PRKCA: variants seen among roughly 807,000 people sequenced by gnomAD.
PRKCA encodes the protein protein kinase C alpha type.
Under a neutral mutation model 87.0 loss-of-function variants are expected in PRKCA, and 27 were observed. That is an observed-to-expected ratio of 0.31 (90% CI 0.23 to 0.43). The LOEUF (loss-of-function observed/expected upper bound fraction) is 0.43. PRKCA is among the 20% of genes least tolerant of loss of function. The pLI, the probability that PRKCA is intolerant of heterozygous loss-of-function variation, is 1.00. For synonymous variants in PRKCA, 329 were observed against 311.1 expected (o/e 1.06, Z -0.61); for missense variants, 518 against 852.3 (o/e 0.61, Z 4.88).
chr17:66,709,472 G>A (rs1050061325), intron 8 of PRKCA, among the ~76,000 whole-genome samples: 15 of 151,666 alleles, frequency 9.9e-5, no homozygotes, highest in Non-Finnish European at 1.2e-4. Flanking sequence ...CACCACACCT[G>A]GCTAATTTTG....
chr17:66,725,187 A>G (rs1309568927), intron 8 of PRKCA, among the ~76,000 whole-genome samples: 7 of 152,184 alleles, frequency 4.6e-5, no homozygotes, highest in Admixed American at 4.6e-4. Flanking sequence ...ATGAACAGTG[A>G]TTGCTTGAGA....
At chr17:66,376,194 C>T (rs1160319230) in intron 2 of PRKCA, among the ~76,000 whole-genome samples, 2 of 152,122 alleles carry the variant, frequency 1.3e-5, no homozygotes, top group Non-Finnish European at 2.9e-5. Flanking sequence ...TTTAACCACC[C>T]TCCCCTGACT....
intron 16 of PRKCA, among the ~76,000 whole-genome samples, chr17:66,802,091 C>T (rs572891096): frequency 2.6e-5 from 4 of 152,098 alleles, no homozygotes; most frequent in Admixed American, 6.5e-5. Context: ...TGTGGTGGTG[C>T]GCACCCGCAG....
chr17:66,748,187 C>T (rs555937236), intron 13 of PRKCA, among the ~76,000 whole-genome samples: 101 of 152,336 alleles, frequency 6.6e-4, no homozygotes, highest in Non-Finnish European at 1.2e-3. Flanking sequence ...TTCATGGGTC[C>T]AGAGAGCTGA....
chr17:66,663,177 G>A (rs1050058664), intron 5 of PRKCA, among the ~76,000 whole-genome samples: 1 of 152,222 alleles, frequency 6.6e-6, no homozygotes, highest in Admixed American at 6.5e-5. Flanking sequence ...AACAAGAACA[G>A]CTTCCTGCTC....
intron 3 of PRKCA, among the ~76,000 whole-genome samples, chr17:66,616,286 G>A (rs540885456): frequency 1.1e-4 from 17 of 152,164 alleles, no homozygotes; most frequent in East Asian, 3.9e-4. Flanking sequence ...CCCCACTCTC[G>A]CCTTATAATA....
At chr17:66,799,574 GTGGTGGTGA>G (rs1975833728) in intron 16 of PRKCA, among the ~76,000 whole-genome samples, 1 of 12,210 alleles carries the variant, frequency 8.2e-5, no homozygotes, top group Non-Finnish European at 1.6e-4. Context: ...GGTGATGGTG[GTGGTGGTGA>G]TGGTGGTGGT....
At chr17:66,793,590 CAAAAAAAA>C (rs1168440797) in intron 16 of PRKCA, among the ~76,000 whole-genome samples, 1 of 51,572 alleles carries the variant, frequency 1.9e-5, no homozygotes, top group East Asian at 5.4e-4. Context: ...AACTCCGTCT[CAAAAAAAA>C]AAAAAAAAAA....
rs74207924 is a variant in PRKCA at position 66,738,874 on chromosome 17, G to T, written c.1322+19G>T. 6.3e-7 allele frequency: 1 copy of T among 1,594,396 alleles called. No individual in the cohort carries two copies. The highest frequency in any genetic ancestry group is 1.1e-5 in the South Asian group (1 of 90,508). Reference sequence around the variant, plus strand: ...AAGCAGTGTGAGTATTATTTTTTAAGTCCTTTAATTTGAACAACCAAGTCC... The same window carrying T: ...AAGCAGTGTGAGTATTATTTTTTAATTCCTTTAATTTGAACAACCAAGTCC... On this transcript the variant is annotated intron_variant, in intron 11 of 16. Transcript: ENST00000413366.
In PRKCA at chr17:66,452,877, CA is replaced by C. The variant is rs201273156; in HGVS notation, c.206-43317del. 8.6e-3 allele frequency among the ~76,000 whole-genome samples: 1,305 copies of C among 152,232 alleles called. 8 individuals are homozygous for C. Among genetic ancestry groups the C allele is most frequent in the African/African-American group, 0.022 (914 of 41,548 alleles). On this transcript the variant is annotated intron_variant, in intron 2 of 16. Coordinates refer to ENST00000413366, the MANE Select transcript of PRKCA (RefSeq NM_002737.3). ...AGACTCCGTCTCAAAAACAAACAAA[CA>C]AAAAAACAAACAAAACACATAACTA...
At chr17:66,402,413 A>AT (rs1911088274) in intron 2 of PRKCA, among the ~76,000 whole-genome samples, 4 of 111,856 alleles carry the variant, frequency 3.6e-5, no homozygotes, top group African/African-American at 6.4e-5. Context: ...GAGGCCAAGA[A>AT]ATTTTTTTTT....
At chr17:66,739,999 C>G (rs531525241) in intron 11 of PRKCA, among the ~76,000 whole-genome samples, 1 of 152,128 alleles carries the variant, frequency 6.6e-6, no homozygotes, top group African/African-American at 2.4e-5. Context: ...AGGGCTAGAC[C>G]TTGGAGCCAA....
Position 66,562,163 on chromosome 17 carries a change from T to A in PRKCA, c.288+65880T>A, listed in dbSNP as rs551315373. ...TATATATATAATTAAATTATATATA[T>A]AATTAAATATATATAATTAAGTTAT... is the stretch of plus-strand genomic sequence containing the variant. On this transcript the variant is annotated intron_variant, in intron 3 of 16. Coordinates refer to ENST00000413366, the MANE Select transcript of PRKCA (RefSeq NM_002737.3). 1.1e-3 allele frequency among the ~76,000 whole-genome samples: 100 copies of A among 88,234 alleles called. 8 individuals carry two copies. The highest frequency in any genetic ancestry group is 3.7e-3 in the African/African-American group (78 of 21,320). The allele number at this position is 88,234 out of a possible 152,430, so 57.9% of individuals were successfully genotyped here.
chr17:66,320,364 A>G (rs1043811249), intron 2 of PRKCA, among the ~76,000 whole-genome samples: 23 of 150,506 alleles, frequency 1.5e-4, no homozygotes, highest in African/African-American at 5.4e-4. Context: ...ACAAGTGCCC[A>G]TCCAATACTC....
At chr17:66,687,008 G>A (rs545302850) in intron 5 of PRKCA, 103 bp from the exon 6 acceptor site, 5 of 1,072,686 alleles carry the variant, frequency 4.7e-6, no homozygotes, top group African/African-American at 3.2e-5. Context: ...CTCCTTAAAC[G>A]CCATTCTGAC....
chr17:66,688,816 T>A (rs1368078809), intron 7 of PRKCA, 135 bp from the exon 8 acceptor site: 1 of 659,562 alleles, frequency 1.5e-6, no homozygotes, highest in Non-Finnish European at 2.7e-6. Context: ...TATAAAAATG[T>A]AAAAAAAGTC....
rs145677568 is a variant in PRKCA at position 66,325,711 on chromosome 17, G to A, written c.205+19584G>A. Among the ~76,000 whole-genome samples the A allele has an allele frequency of 8.7e-3, 1,330 of 152,152 alleles. 26 individuals carry two copies. Among genetic ancestry groups the A allele is most frequent in the African/African-American group, 0.03 (1,256 of 41,492 alleles). On this transcript the variant is annotated intron_variant, in intron 2 of 16. Transcript: ENST00000413366. ...GAAGAGAGAAAAAGCCCTAAGGGGC[G>A]GGTGGTTGTGATTTATTGAAAGCTT...
intron 13 of PRKCA, among the ~76,000 whole-genome samples, chr17:66,748,010 G>A (rs1568011113): frequency 6.6e-6 from 1 of 152,258 alleles, no homozygotes; most frequent in African/African-American, 2.4e-5. Flanking sequence ...CTGCAGCCCA[G>A]GAGGACTGTG....
rs139258496 is a variant in PRKCA at position 66,797,919 on chromosome 17, C to T, written c.1855-5954C>T. 5.3e-5 allele frequency among the ~76,000 whole-genome samples: 8 copies of T among 152,328 alleles called. No homozygotes were observed. The East Asian group carries it at 1.5e-3, about 29-fold the overall frequency. On this transcript the variant is annotated intron_variant, in intron 16 of 16. Coordinates refer to ENST00000413366, the MANE Select transcript of PRKCA (RefSeq NM_002737.3). ...GAGGTGGAGACAGTGCGCACCCAGC[C>T]CAGTTTTGCTCACAAGGTATAAATG... is the stretch of plus-strand genomic sequence containing the variant.
Sources: gnomAD v4.1 joint callset for allele counts (sites outside exome capture counted in the v4.1 genomes callset) on GRCh38, gnomAD v4.1.1 for gene constraint, MANE v1.5 for transcripts, NCBI Gene and HGNC (gene_info 2026-07-23, HGNC 2026-07-21) for gene names.